The following FAIM2 variants were observed in gnomAD, a reference collection of about 807,000 sequenced individuals.
FAIM2 encodes the protein protein lifeguard 2.
A neutral mutation model predicts 47.4 loss-of-function variants in FAIM2; 27 were observed. That is an observed-to-expected ratio of 0.57 (90% CI 0.42 to 0.78). The LOEUF (loss-of-function observed/expected upper bound fraction) is 0.78. Ranked by LOEUF, FAIM2 falls within the 30% of genes least tolerant of loss-of-function variation. The pLI is 0.00. For missense variants in FAIM2, 311 were observed against 389.4 expected, an observed-to-expected ratio of 0.80 and a Z score of 1.69; for synonymous variants, 156 against 159.3, an observed-to-expected ratio of 0.98 and a Z score of 0.16.
At chr12:49,894,492 T>C (rs1477120625) in intron 5 of FAIM2, among the ~76,000 whole-genome samples, 2 of 151,796 alleles carry the variant, frequency 1.3e-5, no homozygotes, top group East Asian at 3.9e-4. Flanking sequence ...AGGGGGAGGC[T>C]GGCAGCCCAG....
rs1433050067 is a variant in FAIM2, at chr12:49,867,077, G to C, written c.*3427C>G. The C allele has an allele frequency of 6.6e-6, 1 of 152,206 alleles. No homozygotes were observed. The highest frequency in any genetic ancestry group is 1.5e-5 in the Non-Finnish European group (1 of 68,112). The allele number at this position is 152,206 out of a possible 1,614,324, so 9.4% of individuals were successfully genotyped here. On this transcript the variant is annotated 3_prime_UTR_variant, in exon 12 of 12. Coordinates refer to ENST00000320634, the MANE Select transcript of FAIM2 (RefSeq NM_012306.4). Reference sequence around the variant, plus strand: ...CCCTGGAGCTGTGTCTGCCCTCAGGGACTCAGGAGAACGGCTCAGGGAGGG... The same window carrying C: ...CCCTGGAGCTGTGTCTGCCCTCAGGCACTCAGGAGAACGGCTCAGGGAGGG...
At chr12:49,890,817 C>A in intron 6 of FAIM2, 95 bp from the exon 7 acceptor site, 2 of 1,049,796 alleles carry the variant, frequency 1.9e-6, no homozygotes, top group East Asian at 4.7e-5. Flanking sequence ...CTCTGACCAA[C>A]CCCCTCCACA....
chr12:49,888,676 G>A lies in FAIM2; in HGVS notation c.747+431C>T, dbSNP rs117416668. Among the ~76,000 whole-genome samples the A allele has an allele frequency of 7.3e-4, 111 of 152,204 alleles. 2 individuals carry two copies. In the East Asian group the frequency reaches 0.02, roughly 28 times the overall value. On this transcript the variant is annotated intron_variant, in intron 10 of 11. Transcript: ENST00000320634. ...TCCGAGCCCCGCTGCCCCACGTCCC[G>A]CCTGCCTGGCCAGCTAGATTCTGCC...
At chr12:49,871,669 C>CTTTTTTTTT (rs3049277) in intron 11 of FAIM2, among the ~76,000 whole-genome samples, 2 of 141,524 alleles carry the variant, frequency 1.4e-5, no homozygotes, top group African/African-American at 2.6e-5. Context: ...CTTTTCTTTT[C>CTTTTTTTTT]TTTTTTTTTT....
At chr12:49,903,209 T>C (rs1408221622) in intron 1 of FAIM2, among the ~76,000 whole-genome samples, 1 of 152,254 alleles carries the variant, frequency 6.6e-6, no homozygotes, top group Admixed American at 6.5e-5. Flanking sequence ...CATCCATGCC[T>C]GGCCAAAACC....
chr12:49,872,728 T>C (rs1946711664), intron 11 of FAIM2, among the ~76,000 whole-genome samples: 1 of 152,190 alleles, frequency 6.6e-6, no homozygotes, highest in East Asian at 1.9e-4. Flanking sequence ...CAGATCCACT[T>C]GGACTGCAGG....
chr12:49,871,214 C>A (rs1447375581), intron 11 of FAIM2, among the ~76,000 whole-genome samples: 1 of 152,198 alleles, frequency 6.6e-6, no homozygotes, highest in Non-Finnish European at 1.5e-5. Flanking sequence ...GAAGCGAGGC[C>A]CAGAGACCTT....
intron 11 of FAIM2, among the ~76,000 whole-genome samples, chr12:49,885,557 C>T (rs1300610384): frequency 6.6e-6 from 1 of 151,720 alleles, no homozygotes; most frequent in Non-Finnish European, 1.5e-5. Context: ...CTTCTGGTGG[C>T]CAGGCTCCCA....
At chr12:49,900,185 G>A (rs926372452) in intron 2 of FAIM2, 5 of 1,287,690 alleles carry the variant, frequency 3.9e-6, no homozygotes, top group Non-Finnish European at 5.1e-6. Context: ...GGTCACGGTG[G>A]GGTGAGTCTT....
chr12:49,895,331 T>TCC (rs1189263834), intron 5 of FAIM2, among the ~76,000 whole-genome samples: 1 of 149,400 alleles, frequency 6.7e-6, no homozygotes, highest in African/African-American at 2.5e-5. Context: ...AATCCCCCCA[T>TCC]CCCCCCCAAT....
intron 11 of FAIM2, among the ~76,000 whole-genome samples, chr12:49,877,744 G>C (rs1389983309): frequency 6.6e-6 from 1 of 152,122 alleles, no homozygotes; most frequent in African/African-American, 2.4e-5. Context: ...GTGTGTGCCT[G>C]TATATATACG....
At chr12:49,889,663 C>T in intron 8 of FAIM2, 95 bp from the exon 9 acceptor site, 1 of 1,012,520 alleles carries the variant, frequency 9.9e-7, no homozygotes, top group Non-Finnish European at 1.5e-6. Flanking sequence ...AGGACCTGGT[C>T]TTGGGATCCC....
chr12:49,878,715 C>CGT (rs539137998), intron 11 of FAIM2, among the ~76,000 whole-genome samples: 2,242 of 80,632 alleles, frequency 0.028, 444 homozygotes, highest in African/African-American at 0.18. Context: ...TGCATATATG[C>CGT]GTGTGTGTCT....
intron 5 of FAIM2, among the ~76,000 whole-genome samples, chr12:49,894,985 G>A (rs1367038906): frequency 2.0e-5 from 3 of 152,158 alleles, no homozygotes; most frequent in African/African-American, 7.2e-5. Context: ...ATGTGTTGCA[G>A]GAGGTGAGAC....
intron 10 of FAIM2, among the ~76,000 whole-genome samples, chr12:49,888,660 C>T (rs984733849): frequency 2.4e-4 from 37 of 152,260 alleles, no homozygotes; most frequent in African/African-American, 8.9e-4. Context: ...CTCCGAGCCC[C>T]GCTGCCCCAC....
chr12:49,880,487 CAT>C, intron 11 of FAIM2, among the ~76,000 whole-genome samples: 1 of 37,562 alleles, frequency 2.7e-5, no homozygotes, highest in Non-Finnish European at 4.9e-5. Flanking sequence ...CATGTGTATG[CAT>C]GTGTATGTGT....
intron 3 of FAIM2, 45 bp downstream of exon 3, chr12:49,897,942 C>A: frequency 6.8e-7 from 1 of 1,466,248 alleles, no homozygotes. Context: ...CCAGGGGCTC[C>A]CCCACTGAGG....
At chr12:49,883,718 C>CT (rs1369518768) in intron 11 of FAIM2, among the ~76,000 whole-genome samples, 1 of 152,052 alleles carries the variant, frequency 6.6e-6, no homozygotes, top group East Asian at 1.9e-4. Flanking sequence ...AAGAGTCGGC[C>CT]TTTTGCAGGA....
chr12:49,894,918 G>A (rs1487963261), intron 5 of FAIM2, among the ~76,000 whole-genome samples: 1 of 152,216 alleles, frequency 6.6e-6, no homozygotes, highest in African/African-American at 2.4e-5. Context: ...GCTTCTCAAT[G>A]CTCCTATTGT....
Sources: allele counts gnomAD v4.1 joint callset (sites outside exome capture counted in the v4.1 genomes callset), GRCh38; gene constraint gnomAD v4.1.1; transcripts MANE v1.5; gene names NCBI Gene and HGNC (gene_info 2026-07-23, HGNC 2026-07-21).